Variants in DRC4 observed in about 807,000 individuals in gnomAD.
DRC4 encodes GAS-11.
chr16:90,036,152 C>T, the DRC4 span: 1 of 584,280 alleles, frequency 1.7e-6, no homozygotes, highest in Middle Eastern at 4.6e-4. Flanking sequence ...GAGCGATTAG[C>T]AATGCCTGTC....
chr16:90,035,475 G>C, the DRC4 span, among the ~76,000 whole-genome samples: 2 of 152,208 alleles, frequency 1.3e-5, no homozygotes, highest in Non-Finnish European at 2.9e-5. Context: ...CACGACGTCT[G>C]TTCATGTTCT....
At chr16:90,037,532 C>T in the DRC4 span, 2 of 1,120,652 alleles carry the variant, frequency 1.8e-6, no homozygotes, top group South Asian at 3.1e-5. Flanking sequence ...TCTCCTTTCT[C>T]TGCCTCGTGT....
chr16:90,023,760 G>T, the DRC4 span, among the ~76,000 whole-genome samples: 2 of 150,996 alleles, frequency 1.3e-5, no homozygotes, highest in East Asian at 1.9e-4. Context: ...TTGGGAGGCC[G>T]AGGCAGGCGG....
chr16:90,042,433 G>C, the DRC4 span: 5 of 1,604,742 alleles, frequency 3.1e-6, no homozygotes, highest in African/African-American at 1.3e-5. Flanking sequence ...TCGGCCAAAA[G>C]ATGAGTCTCA....
the DRC4 span, among the ~76,000 whole-genome samples, chr16:90,022,907 G>A: frequency 6.6e-6 from 1 of 152,176 alleles, no homozygotes; most frequent in Non-Finnish European, 1.5e-5. Context: ...CCCGGCCCCG[G>A]GGCCTGGCAG....
the DRC4 span, chr16:90,036,729 T>C: frequency 1.3e-6 from 1 of 772,308 alleles, no homozygotes; most frequent in Non-Finnish European, 2.3e-6. Context: ...GCCCCTCTCA[T>C]ATCCTTAACT....
chr16:90,030,384 C>CAGGT, the DRC4 span, among the ~76,000 whole-genome samples: 2 of 152,050 alleles, frequency 1.3e-5, no homozygotes, highest in African/African-American at 2.4e-5. Context: ...CTCTGTCACC[C>CAGGT]AGGTGGAGTG....
At chr16:90,032,006 C>T in the DRC4 span, among the ~76,000 whole-genome samples, 6 of 151,600 alleles carry the variant, frequency 4.0e-5, no homozygotes, top group East Asian at 1.2e-3. Context: ...TGCAAGTGAC[C>T]AGGTGTCTAC....
the DRC4 span, among the ~76,000 whole-genome samples, chr16:90,028,286 A>G: frequency 1.2e-4 from 17 of 138,888 alleles, no homozygotes; most frequent in South Asian, 2.3e-3. Flanking sequence ...CCGGGTTCAC[A>G]CCATTCTCCT....
chr16:90,022,574 C>G, the DRC4 span: 1 of 923,522 alleles, frequency 1.1e-6, no homozygotes, highest in Non-Finnish European at 1.5e-6. Context: ...GACGCACTCC[C>G]GCCTTTGGCA....
At chr16:90,032,993 C>G in the DRC4 span, 1 of 1,300,290 alleles carries the variant, frequency 7.7e-7, no homozygotes, top group Non-Finnish European at 1.1e-6. Context: ...TGCATGAACT[C>G]CTGTTTATTC....
chr16:90,040,657 C>T, the DRC4 span: 322 of 275,198 alleles, frequency 1.2e-3, 71 homozygotes, highest in South Asian at 5.7e-3. Flanking sequence ...TGGCCAGTTT[C>T]GGGCCAGTTG....
chr16:90,029,325 A>C, the DRC4 span: 1 of 1,362,606 alleles, frequency 7.3e-7, no homozygotes, highest in Non-Finnish European at 9.8e-7. Flanking sequence ...CCTGCCCCGC[A>C]GCAGAGGACA....
the DRC4 span, among the ~76,000 whole-genome samples, chr16:90,026,536 T>C: frequency 6.6e-6 from 1 of 152,232 alleles, no homozygotes; most frequent in South Asian, 2.1e-4. Flanking sequence ...GAATGGTGTC[T>C]TGCAGGTCTT....
At chr16:90,038,468 T>C in the DRC4 span, among the ~76,000 whole-genome samples, 2 of 152,236 alleles carry the variant, frequency 1.3e-5, no homozygotes, top group African/African-American at 2.4e-5. Flanking sequence ...CCGACTCCCG[T>C]CTGTTTCTAA....
chr16:90,026,161 G>A, the DRC4 span, among the ~76,000 whole-genome samples: 2 of 152,016 alleles, frequency 1.3e-5, no homozygotes, highest in African/African-American at 4.8e-5. Flanking sequence ...GAAAAGCATG[G>A]GCTGAAGACT....
the DRC4 span, chr16:90,036,381 A>C: frequency 5.8e-5 from 93 of 1,597,614 alleles, no homozygotes; most frequent in East Asian, 1.5e-3. Context: ...TGCCTTTCAG[A>C]AATTGAGGCC....
At chr16:90,038,954 A>C in the DRC4 span, among the ~76,000 whole-genome samples, 1 of 152,160 alleles carries the variant, frequency 6.6e-6, no homozygotes, top group East Asian at 1.9e-4. Flanking sequence ...TTGTTCTCTA[A>C]CCTAATTGAA....
chr16:90,043,151 G>A, the DRC4 span: 3 of 1,576,640 alleles, frequency 1.9e-6, no homozygotes, highest in South Asian at 2.3e-5. Context: ...TGGTGGTCCT[G>A]AGCGTGGGGA....
Sources: allele counts gnomAD v4.1 joint callset (sites outside exome capture counted in the v4.1 genomes callset), GRCh38; gene constraint gnomAD v4.1.1; transcripts MANE v1.5; gene names NCBI Gene and HGNC (gene_info 2026-07-23, HGNC 2026-07-21).